EYA2: variants seen among roughly 807,000 people sequenced by gnomAD.
EYA2 encodes EYA transcriptional coactivator and phosphatase 2.
EYA2 carries 31 observed loss-of-function variants against 69.2 expected under a neutral mutation model. The ratio of observed to expected loss-of-function variants is 0.45; its 90% confidence interval spans 0.34 to 0.60. The LOEUF is 0.60. EYA2 is among the 20% of genes least tolerant of loss of function. EYA2 has a pLI of 0.02. For synonymous variants in EYA2, 257 were observed against 279.4 expected (o/e 0.92, Z 0.80); for missense variants, 622 against 701.2 (o/e 0.89, Z 1.28).
intron 9 of EYA2, among the ~76,000 whole-genome samples, chr20:47,125,201 C>G (rs542876057): frequency 5.9e-5 from 9 of 151,982 alleles, no homozygotes; most frequent in Non-Finnish European, 1.0e-4. Context: ...CTACAGGCAC[C>G]TGCCACTATG....
rs41391148 is a variant in EYA2 at position 47,140,651 on chromosome 20, T to C, written c.889-2408T>C. Among the ~76,000 whole-genome samples the C allele has an allele frequency of 2.6e-5, 4 of 152,300 alleles. No individual in the cohort carries two copies. The East Asian group carries it at 7.7e-4, about 29-fold the overall frequency. ...ATTACCTATGTTCTAATCTCAGCATTTGTTAGCTTGTATGGCCTTGAACAA... is the reference window on the plus strand; with the variant it reads ...ATTACCTATGTTCTAATCTCAGCATCTGTTAGCTTGTATGGCCTTGAACAA... On this transcript the variant is annotated intron_variant, in intron 9 of 15. Coordinates refer to ENST00000327619, the MANE Select transcript of EYA2 (RefSeq NM_005244.5).
In EYA2 at chr20:46,931,590, G is replaced by C. The variant is rs552872250; in HGVS notation, c.-11+36603G>C. 9.2e-5 allele frequency among the ~76,000 whole-genome samples: 14 copies of C among 152,306 alleles called. No homozygotes were observed. In the East Asian group the frequency reaches 2.7e-3, roughly 29 times the overall value. ...AGCGAAGCAGTGCCTGGCAGATAGA[G>C]ACTCAGCATCAACAAATGTGAGCTG... On this transcript the variant is annotated intron_variant, in intron 1 of 15. Transcript: ENST00000327619.
intron 9 of EYA2, among the ~76,000 whole-genome samples, chr20:47,123,106 G>A (rs2033094562): frequency 6.6e-6 from 1 of 152,036 alleles, no homozygotes; most frequent in South Asian, 2.1e-4. Flanking sequence ...CATGTCGAGT[G>A]TTTGGAGCTG....
chr20:46,910,970 G>A (rs1250085475), intron 1 of EYA2, among the ~76,000 whole-genome samples: 1 of 152,168 alleles, frequency 6.6e-6, no homozygotes, highest in African/African-American at 2.4e-5. Context: ...GTTCACCCAA[G>A]TCCTCACCTT....
intron 2 of EYA2, among the ~76,000 whole-genome samples, chr20:46,996,350 A>G (rs1167518241): frequency 1.3e-5 from 2 of 152,156 alleles, no homozygotes; most frequent in Non-Finnish European, 2.9e-5. Flanking sequence ...ATGAACCCCA[A>G]ATTGTGATAA....
chr20:47,108,581 T>C (rs1055297491), intron 9 of EYA2, among the ~76,000 whole-genome samples: 1 of 152,170 alleles, frequency 6.6e-6, no homozygotes, highest in African/African-American at 2.4e-5. Flanking sequence ...TTTTTATTTA[T>C]TTATTTTAGA....
At chr20:46,997,260 A>G (rs1335676319) in intron 2 of EYA2, among the ~76,000 whole-genome samples, 1 of 152,168 alleles carries the variant, frequency 6.6e-6, no homozygotes, top group Non-Finnish European at 1.5e-5. Flanking sequence ...GATAGAACTT[A>G]CTATCATGAG....
chr20:46,930,431 A>T (rs1421508518), intron 1 of EYA2, among the ~76,000 whole-genome samples: 1 of 152,152 alleles, frequency 6.6e-6, no homozygotes, highest in Non-Finnish European at 1.5e-5. Context: ...AGACAGGGTG[A>T]ATTTCAGGTT....
At chr20:47,165,941 C>G (rs1287177713) in intron 10 of EYA2, among the ~76,000 whole-genome samples, 2 of 152,066 alleles carry the variant, frequency 1.3e-5, no homozygotes, top group Non-Finnish European at 2.9e-5. Flanking sequence ...TGTAATTCTA[C>G]CACTTTGGGA....
chr20:46,982,194 T>C (rs1980875815), intron 1 of EYA2, among the ~76,000 whole-genome samples: 1 of 152,222 alleles, frequency 6.6e-6, no homozygotes, highest in Non-Finnish European at 1.5e-5. Context: ...ATCTTAATTT[T>C]GGTTTGTTTC....
intron 12 of EYA2, among the ~76,000 whole-genome samples, chr20:47,174,302 T>C (rs912031188): frequency 6.6e-6 from 1 of 152,272 alleles, no homozygotes; most frequent in Non-Finnish European, 1.5e-5. Context: ...TTTCTAGCTA[T>C]GTGGCCTTAG....
At chr20:46,908,723 T>G (rs1984485189) in intron 1 of EYA2, among the ~76,000 whole-genome samples, 1 of 152,062 alleles carries the variant, frequency 6.6e-6, no homozygotes, top group Non-Finnish European at 1.5e-5. Flanking sequence ...TCTGAATTTT[T>G]AAGAGAAATG....
At chr20:47,078,345 A>G (rs956216653) in intron 7 of EYA2, among the ~76,000 whole-genome samples, 97 of 152,064 alleles carry the variant, frequency 6.4e-4, no homozygotes, top group African/African-American at 2.2e-3. Flanking sequence ...ACACACACAC[A>G]CACACACACA....
chr20:47,179,634 G>C (rs746644915), intron 12 of EYA2, among the ~76,000 whole-genome samples, 164 bp from the exon 13 acceptor site: 84 of 152,152 alleles, frequency 5.5e-4, no homozygotes, highest in Admixed American at 9.2e-4. Context: ...CTATCAATCT[G>C]TTGATCTCAG....
chr20:47,188,429 G>A lies in EYA2; in HGVS notation c.*296G>A. The stretch of plus-strand genomic sequence containing the variant: ...AAAGCAAGGAATTGCTGATTTGGGG[G>A]GTGCCTGGTGATGAGGAGGGGATGG... On this transcript the variant is annotated 3_prime_UTR_variant, in exon 16 of 16. Transcript: ENST00000327619. 1.8e-6 allele frequency: 1 copy of A among 557,294 alleles called. No individual in the cohort carries two copies. Among genetic ancestry groups the A allele is most frequent in the Non-Finnish European group, 3.2e-6 (1 of 313,986 alleles). 34.5% of individuals were successfully genotyped at this position (557,294 alleles called of 1,614,324 possible).
At chr20:47,045,781 T>A (rs1052247441) in intron 5 of EYA2, among the ~76,000 whole-genome samples, 2 of 152,228 alleles carry the variant, frequency 1.3e-5, no homozygotes, top group African/African-American at 2.4e-5. Flanking sequence ...TTGGGAGTAG[T>A]GTTAGGGTAT....
intron 9 of EYA2, among the ~76,000 whole-genome samples, chr20:47,119,763 A>G (rs916423604): frequency 2.0e-5 from 3 of 152,198 alleles, no homozygotes; most frequent in African/African-American, 7.2e-5. Context: ...ATTGTACCCT[A>G]GATTCCACTG....
chr20:47,167,573 C>T (rs2146646751), intron 10 of EYA2, among the ~76,000 whole-genome samples: 1 of 152,228 alleles, frequency 6.6e-6, no homozygotes, highest in East Asian at 1.9e-4. Context: ...TGTAAGCCAC[C>T]ACACCTGGCC....
intron 9 of EYA2, among the ~76,000 whole-genome samples, chr20:47,102,885 G>GT (rs1489320318): frequency 6.7e-6 from 1 of 148,516 alleles, no homozygotes. Flanking sequence ...TCTGAACTCT[G>GT]TTTTTTTCCA....
Sources: allele counts gnomAD v4.1 joint callset (sites outside exome capture counted in the v4.1 genomes callset), GRCh38; gene constraint gnomAD v4.1.1; transcripts MANE v1.5; gene names NCBI Gene and HGNC (gene_info 2026-07-23, HGNC 2026-07-21).